The following TRPC5 variants were observed in gnomAD, a reference collection of about 807,000 sequenced individuals.
TRPC5 encodes short transient receptor potential channel 5.
TRPC5 carries 9 observed loss-of-function variants against 56.5 expected under a neutral mutation model. The ratio of observed to expected loss-of-function variants is 0.16; its 90% CI spans 0.10 to 0.28. The LOEUF (loss-of-function observed/expected upper bound fraction) is 0.28. Ranked by LOEUF, TRPC5 falls within the 10% of genes least tolerant of loss-of-function variation. TRPC5 has a pLI of 1.00. For synonymous variants in TRPC5, 282 were observed against 278.5 expected (o/e 1.01, Z -0.13); for missense variants, 469 against 748.9 (o/e 0.63, Z 4.36).
chrX:112,018,657 T>C (rs1929190730), intron 1 of TRPC5, among the ~76,000 whole-genome samples: 1 of 112,353 alleles, frequency 8.9e-6, no homozygotes, highest in East Asian at 2.8e-4. Flanking sequence ...TATTGCGGCA[T>C]AAAAATTAGT....
chrX:111,943,283 G>A (rs751749276), intron 2 of TRPC5, among the ~76,000 whole-genome samples: 1 of 111,654 alleles, frequency 9.0e-6, no homozygotes, highest in Non-Finnish European at 1.9e-5. Context: ...TTTTCTCCTT[G>A]AATTTCTGCT....
chrX:111,830,332 T>C (rs762473595), intron 7 of TRPC5, among the ~76,000 whole-genome samples: 2 of 112,160 alleles, frequency 1.8e-5, no homozygotes, highest in East Asian at 5.6e-4. Context: ...TTGTCTCAGA[T>C]GAAACTTTGG....
chrX:112,034,262 G>T (rs748949006), intron 1 of TRPC5, among the ~76,000 whole-genome samples: 17 of 109,192 alleles, frequency 1.6e-4, no homozygotes, highest in African/African-American at 5.3e-4. Flanking sequence ...AATCCATGAT[G>T]CAGAATGTCT....
intron 1 of TRPC5, among the ~76,000 whole-genome samples, chrX:112,020,616 T>G (rs1929249692): frequency 8.9e-6 from 1 of 111,796 alleles, no homozygotes; most frequent in East Asian, 2.8e-4. Context: ...GAGCAAGTAT[T>G]ATTTTTGCAG....
At chrX:111,833,348 A>C (rs1922467756) in intron 7 of TRPC5, among the ~76,000 whole-genome samples, 1 of 111,337 alleles carries the variant, frequency 9.0e-6, no homozygotes. Context: ...ATTGAGGCTC[A>C]AGAGGGAAAA....
chrX:111,879,079 A>C (rs1255826066), intron 3 of TRPC5, among the ~76,000 whole-genome samples: 1 of 112,105 alleles, frequency 8.9e-6, no homozygotes, highest in Non-Finnish European at 1.9e-5. Flanking sequence ...ACAATAAGGG[A>C]AGTATTTATG....
intron 3 of TRPC5, among the ~76,000 whole-genome samples, chrX:111,894,367 G>A (rs1924957664): frequency 8.9e-6 from 1 of 111,847 alleles, no homozygotes; most frequent in African/African-American, 3.2e-5. Flanking sequence ...CTTTTGATTA[G>A]TTGTGCAGAC....
intron 1 of TRPC5, among the ~76,000 whole-genome samples, chrX:111,969,652 G>A (rs1927724082): frequency 9.0e-6 from 1 of 111,667 alleles, no homozygotes; most frequent in African/African-American, 3.3e-5. Context: ...ATAGACAGAT[G>A]TAGGAGCTAG....
intron 1 of TRPC5, among the ~76,000 whole-genome samples, chrX:112,038,767 C>T (rs935105737): frequency 5.5e-5 from 6 of 109,189 alleles, no homozygotes; most frequent in Non-Finnish European, 9.5e-5. Context: ...CTGCAAGCTC[C>T]GCCTCCTGGG....
intron 7 of TRPC5, among the ~76,000 whole-genome samples, chrX:111,822,812 T>C (rs1174148516): frequency 8.9e-6 from 1 of 111,958 alleles, no homozygotes; most frequent in Non-Finnish European, 1.9e-5. Flanking sequence ...GAGAGGTATT[T>C]TTTTTGGGCA....
At chrX:111,966,877 T>C (rs1286277196) in intron 1 of TRPC5, among the ~76,000 whole-genome samples, 1 of 110,988 alleles carries the variant, frequency 9.0e-6, no homozygotes, top group African/African-American at 3.3e-5. Context: ...AATATCATAC[T>C]GAATGGGCAA....
chrX:112,040,606 T>C (rs1452902343), intron 1 of TRPC5, among the ~76,000 whole-genome samples: 1 of 111,431 alleles, frequency 9.0e-6, no homozygotes. Flanking sequence ...ATTACTGACA[T>C]TATTAGTCTG....
In TRPC5 at chrX:112,042,832, C is replaced by T. The variant is rs752216996; in HGVS notation, c.-22+39047G>A. Reference sequence around the variant, plus strand: ...TATATTTTTTTTTTTTACCAAATTTCCCCTCCTTCCAGGCAAGTGCCATCT... The same window carrying T: ...TATATTTTTTTTTTTTACCAAATTTTCCCTCCTTCCAGGCAAGTGCCATCT... On this transcript the variant is annotated intron_variant, in intron 1 of 10. Transcript: ENST00000262839. Among the ~76,000 whole-genome samples, 748 of 110,453 alleles carry T rather than the reference C, an allele frequency of 6.8e-3. 3 individuals are homozygous for T. The highest frequency in any genetic ancestry group is 0.011 in the Non-Finnish European group (595 of 52,724).
At position 111,785,624 on chromosome X, in the gene TRPC5, A is replaced by G. The variant is rs182326564; in HGVS notation, c.1897-3486T>C. Among the ~76,000 whole-genome samples, 405 of 112,051 alleles carry G rather than the reference A, an allele frequency of 3.6e-3. 3 individuals are homozygous for G. The highest frequency in any genetic ancestry group is 0.012 in the African/African-American group (385 of 30,833). The stretch of plus-strand genomic sequence containing the variant: ...GTAATAACAAACTACTCTGAGCTAA[A>G]GGAGGATGTTCGAACCCATCATAAG... On this transcript the variant is annotated intron_variant, in intron 7 of 10. Transcript: ENST00000262839.
intron 1 of TRPC5, among the ~76,000 whole-genome samples, chrX:112,068,126 G>T (rs923607958): frequency 8.9e-6 from 1 of 111,819 alleles, no homozygotes; most frequent in African/African-American, 3.3e-5. Context: ...TGTCTGTCCT[G>T]CTCCTGCACT....
chrX:111,852,518 T>G, intron 4 of TRPC5, 81 bp from the exon 5 acceptor site: 1 of 1,022,036 alleles, frequency 9.8e-7, no homozygotes, highest in Non-Finnish European at 1.3e-6. Context: ...TCCAGGTGAA[T>G]AAGGATGAAA....
intron 7 of TRPC5, among the ~76,000 whole-genome samples, chrX:111,784,275 A>G (rs1233076865): frequency 8.9e-6 from 1 of 112,558 alleles, no homozygotes. Flanking sequence ...AAACCAAGTG[A>G]CAAAAGAAAA....
chrX:111,842,846 C>T lies in TRPC5; in HGVS notation c.1700+4268G>A, dbSNP rs1472013422. Among the ~76,000 whole-genome samples, 4 of 109,709 alleles carry T rather than the reference C, an allele frequency of 3.6e-5. No homozygotes were observed. The East Asian group carries it at 1.2e-3, about 32-fold the overall frequency. On this transcript the variant is annotated intron_variant, in intron 6 of 10. Transcript: ENST00000262839. The stretch of plus-strand genomic sequence containing the variant: ...AGCTCAAAGTGGATCAGTAGAGTGA[C>T]AGAGTTGGCCAGATACTCCAGTCAT...
rs140794422 is a variant in TRPC5 at position 111,978,389 on chromosome X, T to A, written c.-21-25948A>T. Among the ~76,000 whole-genome samples the A allele has an allele frequency of 7.5e-3, 837 of 111,464 alleles. 7 individuals are homozygous for A. Among genetic ancestry groups the A allele is most frequent in the African/African-American group, 0.026 (799 of 30,806 alleles). On this transcript the variant is annotated intron_variant, in intron 1 of 10. Transcript: ENST00000262839. ...TATGTGGAATCTGAGATAGTCAAAT[T>A]CAAGGAAGAAGAGAGTTGGATAGTT... is the stretch of plus-strand genomic sequence containing the variant.
Sources: allele counts gnomAD v4.1 joint callset (sites outside exome capture counted in the v4.1 genomes callset), GRCh38; gene constraint gnomAD v4.1.1; transcripts MANE v1.5; gene names NCBI Gene and HGNC (gene_info 2026-07-23, HGNC 2026-07-21).